Variants in UNC5C observed in about 807,000 individuals in gnomAD.
The protein encoded by UNC5C is unc-5 netrin receptor C, also known as netrin receptor UNC5C.
UNC5C carries 47 observed loss-of-function variants against 99.8 expected under a neutral mutation model. That is an observed-to-expected ratio of 0.47 (90% CI 0.37 to 0.60). The LOEUF is 0.60. UNC5C is among the 20% of genes least tolerant of loss of function. The probability of loss-of-function intolerance (pLI) is 0.00; values close to 1 mark genes in which losing one functional copy is unlikely to be tolerated. For synonymous variants in UNC5C, 487 were observed against 452.2 expected (o/e 1.08, Z -0.98); for missense variants, 1,062 against 1,165.9 (o/e 0.91, Z 1.30).
In UNC5C at chr4:95,539,667, A is replaced by T. The variant is rs139888524; in HGVS notation, c.124+9067T>A. ...TACACAAACACACACACTCACATAC[A>T]ATTTGTGTAAGCACATATATGCTCA... is the stretch of plus-strand genomic sequence containing the variant. On this transcript the variant is annotated intron_variant, in intron 1 of 15. Coordinates refer to ENST00000453304, the MANE Select transcript of UNC5C (RefSeq NM_003728.4). Among the ~76,000 whole-genome samples, 6 of 152,210 alleles carry T rather than the reference A, an allele frequency of 3.9e-5. No individual in the cohort carries two copies. The East Asian group carries it at 9.7e-4, about 25-fold the overall frequency.
At chr4:95,287,840 C>T (rs546981634) in intron 3 of UNC5C, among the ~76,000 whole-genome samples, 7 of 152,272 alleles carry the variant, frequency 4.6e-5, no homozygotes, top group African/African-American at 1.7e-4. Flanking sequence ...TTAATCCCAG[C>T]CTTGAATGCT....
intron 14 of UNC5C, among the ~76,000 whole-genome samples, chr4:95,172,458 G>C (rs1579195395): frequency 6.6e-6 from 1 of 152,152 alleles, no homozygotes; most frequent in Non-Finnish European, 1.5e-5. Context: ...TTCTACATAT[G>C]GTTAGGCAGT....
In UNC5C at chr4:95,246,358, A is replaced by C. The variant is rs559667159; in HGVS notation, c.776-1214T>G. On this transcript the variant is annotated intron_variant, in intron 5 of 15. Coordinates refer to ENST00000453304, the MANE Select transcript of UNC5C (RefSeq NM_003728.4). ...TATTGCTTGAGACCAAGAGTTCAAG[A>C]CCAGCCTGGGCAACATAGCAACACC... is the stretch of plus-strand genomic sequence containing the variant. 1.3e-3 allele frequency among the ~76,000 whole-genome samples: 197 copies of C among 152,088 alleles called. 1 individual carries two copies. The highest frequency in any genetic ancestry group is 4.5e-3 in the African/African-American group (186 of 41,492).
At chr4:95,265,812 G>T (rs554090683) in intron 4 of UNC5C, among the ~76,000 whole-genome samples, 1 of 152,144 alleles carries the variant, frequency 6.6e-6, no homozygotes, top group Non-Finnish European at 1.5e-5. Context: ...GCAGCCTTGC[G>T]CAGGCTATAA....
chr4:95,278,150 AC>A, intron 4 of UNC5C, 108 bp downstream of exon 4: 1 of 891,346 alleles, frequency 1.1e-6, no homozygotes, highest in South Asian at 1.5e-5. Context: ...TCTATTACCA[AC>A]CATTCATCAT....
At chr4:95,258,353 A>T (rs986669975) in intron 4 of UNC5C, among the ~76,000 whole-genome samples, 3 of 151,792 alleles carry the variant, frequency 2.0e-5, no homozygotes, top group Non-Finnish European at 4.4e-5. Context: ...TCTTTTCTCT[A>T]CTCCTTCCAT....
At position 95,180,919 on chromosome 4, in the gene UNC5C, G is replaced by T. The variant is rs371610427; in HGVS notation, c.2451+1978C>A. 6.4e-4 allele frequency among the ~76,000 whole-genome samples: 97 copies of T among 152,262 alleles called. 2 individuals are homozygous for T. The East Asian group carries it at 6.4e-3, about 10-fold the overall frequency. On this transcript the variant is annotated intron_variant, in intron 14 of 15. Coordinates refer to ENST00000453304, the MANE Select transcript of UNC5C (RefSeq NM_003728.4). ...TTGTTTATGGTTTGTCAATCATCTT[G>T]TACCCTTTCTTGAAGGTTTTGTTGA...
chr4:95,245,747 G>A (rs1739481084), intron 5 of UNC5C, among the ~76,000 whole-genome samples: 1 of 152,258 alleles, frequency 6.6e-6, no homozygotes, highest in Non-Finnish European at 1.5e-5. Flanking sequence ...CTTACTTTGT[G>A]TATAAAGGCC....
intron 12 of UNC5C, among the ~76,000 whole-genome samples, chr4:95,190,137 T>C (rs1054297333): frequency 4.6e-5 from 7 of 152,170 alleles, no homozygotes; most frequent in Non-Finnish European, 8.8e-5. Flanking sequence ...GTGGCACATA[T>C]ACACACGAAA....
chr4:95,412,236 C>T (rs1295060362), intron 1 of UNC5C, among the ~76,000 whole-genome samples: 1 of 152,068 alleles, frequency 6.6e-6, no homozygotes, highest in African/African-American at 2.4e-5. Context: ...CCATCTTCTC[C>T]AAACTACCCT....
chr4:95,185,010 A>ATGTC lies in UNC5C; in HGVS notation c.2286+33_2286+36dup, dbSNP rs777516155. ...ATAATTTTAGACCTCTTTCTTAGAGATGTCTCCAGACCTTTTGTTCGGCTT... is the reference window on the plus strand; with the variant it reads ...ATAATTTTAGACCTCTTTCTTAGAGATGTCTGTCTCCAGACCTTTTGTTCGGCTT... On this transcript the variant is annotated intron_variant, in intron 13 of 15. Transcript: ENST00000453304. 2.6e-6 allele frequency: 4 copies of ATGTC among 1,558,766 alleles called. No homozygotes were observed. In the African/African-American group the frequency reaches 4.1e-5, roughly 16 times the overall value.
chr4:95,184,948 A>ATGAT (rs1736770667), intron 13 of UNC5C, 99 bp downstream of exon 13: 6 of 1,291,210 alleles, frequency 4.6e-6, no homozygotes, highest in Non-Finnish European at 4.1e-6. Context: ...GTAATGACAT[A>ATGAT]TGATTAATTT....
intron 1 of UNC5C, among the ~76,000 whole-genome samples, chr4:95,496,426 A>C (rs1721632606): frequency 6.6e-6 from 1 of 151,840 alleles, no homozygotes; most frequent in Non-Finnish European, 1.5e-5. Context: ...AATATATAGA[A>C]GGGAAAACAA....
intron 1 of UNC5C, among the ~76,000 whole-genome samples, chr4:95,445,674 T>G (rs1370440034): frequency 6.6e-6 from 1 of 152,158 alleles, no homozygotes; most frequent in African/African-American, 2.4e-5. Context: ...CTTGACAATT[T>G]TGTTGCCGAG....
At chr4:95,363,290 C>A (rs955233008) in intron 1 of UNC5C, among the ~76,000 whole-genome samples, 2 of 152,120 alleles carry the variant, frequency 1.3e-5, no homozygotes, top group Non-Finnish European at 2.9e-5. Context: ...TGTTAGTGAT[C>A]ATTTGGCAGA....
intron 1 of UNC5C, among the ~76,000 whole-genome samples, chr4:95,447,479 C>G (rs1316490947): frequency 1.3e-5 from 2 of 152,030 alleles, no homozygotes; most frequent in African/African-American, 4.8e-5. Flanking sequence ...AAAAGTCAGG[C>G]CTGCCTAATT....
At position 95,276,840 on chromosome 4, in the gene UNC5C, AT is replaced by A. The variant is rs145059413; in HGVS notation, c.594+1418del. ...TGAGATGCCAAATTAAGGCAAAAAAATAACTCTCTTTCAAAGTAAAAAAAAA... is the reference window on the plus strand; with the variant it reads ...TGAGATGCCAAATTAAGGCAAAAAAAAACTCTCTTTCAAAGTAAAAAAAAA... On this transcript the variant is annotated intron_variant, in intron 4 of 15. Coordinates refer to ENST00000453304, the MANE Select transcript of UNC5C (RefSeq NM_003728.4). 6.0e-3 allele frequency among the ~76,000 whole-genome samples: 907 copies of A among 152,276 alleles called. 7 individuals carry two copies. Among genetic ancestry groups the A allele is most frequent in the African/African-American group, 0.02 (827 of 41,566 alleles).
At chr4:95,329,951 C>T (rs1022285401) in intron 2 of UNC5C, among the ~76,000 whole-genome samples, 1 of 152,154 alleles carries the variant, frequency 6.6e-6, no homozygotes, top group African/African-American at 2.4e-5. Flanking sequence ...TAAGCCCCAA[C>T]ATCTAGCATT....
intron 1 of UNC5C, among the ~76,000 whole-genome samples, chr4:95,393,617 T>C (rs1240375469): frequency 6.6e-6 from 1 of 152,176 alleles, no homozygotes; most frequent in African/African-American, 2.4e-5. Context: ...GTATTGACTG[T>C]AGATGTTATT....
Sources: gnomAD v4.1 joint callset for allele counts (sites outside exome capture counted in the v4.1 genomes callset) on GRCh38, gnomAD v4.1.1 for gene constraint, MANE v1.5 for transcripts, NCBI Gene and HGNC (gene_info 2026-07-23, HGNC 2026-07-21) for gene names.